Variants in SLC36A1 observed in about 807,000 individuals in gnomAD.
SLC36A1 encodes solute carrier family 36 member 1, also known as proton-coupled amino acid transporter 1.
Under a neutral mutation model 47.5 loss-of-function variants are expected in SLC36A1, and 30 were observed. The ratio of observed to expected loss-of-function variants is 0.63; its 90% confidence interval spans 0.47 to 0.86. The LOEUF is 0.86. SLC36A1 is among the 40% of genes least tolerant of loss of function. SLC36A1 has a pLI of 0.00. For synonymous variants in SLC36A1, 255 were observed against 249.7 expected (o/e 1.02, Z -0.20); for missense variants, 517 against 606.0 (o/e 0.85, Z 1.54).
At chr5:151,357,848 C>A in the SLC36A1 span, among the ~76,000 whole-genome samples, 4 of 152,210 alleles carry the variant, frequency 2.6e-5, no homozygotes, top group African/African-American at 9.6e-5. Flanking sequence ...ACGATTAAAA[C>A]CTAAATCTTG....
chr5:151,460,578 A>G (rs922444123), intron 2 of SLC36A1, among the ~76,000 whole-genome samples: 5 of 152,058 alleles, frequency 3.3e-5, no homozygotes, highest in Non-Finnish European at 7.4e-5. Flanking sequence ...GATGGCAGGT[A>G]TTACAGTCCC....
At chr5:151,543,723 G>A in the SLC36A1 span, 2 of 1,614,168 alleles carry the variant, frequency 1.2e-6, no homozygotes, top group South Asian at 1.1e-5. Flanking sequence ...TAGTGTTGAT[G>A]TACACAGGCA....
chr5:151,468,118 G>A lies in SLC36A1; in HGVS notation c.723+193G>A, dbSNP rs143226850. Among the ~76,000 whole-genome samples the A allele has an allele frequency of 7.4e-4, 111 of 150,326 alleles. 1 individual carries two copies. Among genetic ancestry groups the A allele is most frequent in the African/African-American group, 2.2e-3 (89 of 40,832 alleles). On this transcript the variant is annotated intron_variant, in intron 7 of 10. Coordinates refer to ENST00000243389, the MANE Select transcript of SLC36A1 (RefSeq NM_078483.4). Reference sequence around the variant, plus strand: ...AGTAAAAATAGAAAAATTAGGCATGGGGGTGTGGGCCTAATCTCAGCTATT... The same window carrying A: ...AGTAAAAATAGAAAAATTAGGCATGAGGGTGTGGGCCTAATCTCAGCTATT...
the SLC36A1 span, chr5:151,522,258 C>G: frequency 1.8e-6 from 1 of 563,748 alleles, no homozygotes; most frequent in African/African-American, 1.9e-5. Context: ...AAAGCACTGA[C>G]AGAAAAGAAA....
At chr5:151,397,512 C>T in the SLC36A1 span, among the ~76,000 whole-genome samples, 10 of 152,112 alleles carry the variant, frequency 6.6e-5, no homozygotes, top group African/African-American at 2.2e-4. Context: ...GTGGGTAGGG[C>T]GCAGTGGCTC....
chr5:151,441,860 A>G (rs1752652189), intron 1 of SLC36A1, among the ~76,000 whole-genome samples: 1 of 152,212 alleles, frequency 6.6e-6, no homozygotes. Context: ...CTGTGAAATC[A>G]TCACAATCAA....
At chr5:151,366,850 G>A in the SLC36A1 span, among the ~76,000 whole-genome samples, 2 of 152,194 alleles carry the variant, frequency 1.3e-5, no homozygotes, top group Non-Finnish European at 2.9e-5. Flanking sequence ...TTTTACAGCT[G>A]GGCTGCCAGG....
At chr5:151,425,105 G>T in the SLC36A1 span, among the ~76,000 whole-genome samples, 1 of 152,232 alleles carries the variant, frequency 6.6e-6, no homozygotes, top group Non-Finnish European at 1.5e-5. Flanking sequence ...ATCCCAAGTT[G>T]TGCAGCAGAG....
the SLC36A1 span, chr5:151,504,197 C>T: frequency 6.5e-6 from 1 of 152,802 alleles, no homozygotes; most frequent in African/African-American, 2.4e-5. Flanking sequence ...ACCACTCACA[C>T]AAATTGGCTC....
At chr5:151,480,186 G>A (rs1303750328) in intron 10 of SLC36A1, 5 of 700,650 alleles carry the variant, frequency 7.1e-6, no homozygotes, top group South Asian at 3.5e-5. Flanking sequence ...TGAGCAAATC[G>A]GTTGATAATA....
At chr5:151,345,733 G>C in the SLC36A1 span, among the ~76,000 whole-genome samples, 1 of 152,166 alleles carries the variant, frequency 6.6e-6, no homozygotes, top group Admixed American at 6.5e-5. Flanking sequence ...TTAACTTTGG[G>C]CCACTCAACC....
the SLC36A1 span, among the ~76,000 whole-genome samples, chr5:151,408,211 C>T: frequency 4.6e-5 from 7 of 152,048 alleles, no homozygotes; most frequent in African/African-American, 7.2e-5. Context: ...TTTTTTGAGA[C>T]GGAGTCTCAC....
At chr5:151,511,922 T>C in the SLC36A1 span, 3 of 546,114 alleles carry the variant, frequency 5.5e-6, no homozygotes, top group Admixed American at 3.1e-5. Context: ...GCCCCTGAGG[T>C]CCCCATTCAT....
the SLC36A1 span, among the ~76,000 whole-genome samples, chr5:151,541,330 G>T: frequency 1.6e-3 from 244 of 152,320 alleles, no homozygotes; most frequent in African/African-American, 5.4e-3. Context: ...ACTACTCCAA[G>T]AATTGATAAC....
the SLC36A1 span, among the ~76,000 whole-genome samples, chr5:151,374,909 GTT>G: frequency 7.7e-4 from 110 of 142,496 alleles, no homozygotes; most frequent in Non-Finnish European, 8.8e-4. Context: ...TAATGTTGGG[GTT>G]TTTTTTTTTT....
At chr5:151,498,944 C>T in the SLC36A1 span, among the ~76,000 whole-genome samples, 1 of 152,178 alleles carries the variant, frequency 6.6e-6, no homozygotes, top group Non-Finnish European at 1.5e-5. Context: ...GCTGCTCGGC[C>T]ACTTTCCCCA....
rs1387232066 is a variant in SLC36A1 at position 151,464,937 on chromosome 5, C to T, written c.324-137C>T. 1.3e-5 allele frequency: 9 copies of T among 690,956 alleles called. No homozygotes were observed. The East Asian group carries it at 1.8e-4, about 14-fold the overall frequency. The allele number at this position is 690,956 out of a possible 1,614,324, so 42.8% of individuals were successfully genotyped here. ...TGAATACTTCTGATCTTTGAAAGCACGAGATACAGGACTCAGAGTGGTACC... is the reference window on the plus strand; with the variant it reads ...TGAATACTTCTGATCTTTGAAAGCATGAGATACAGGACTCAGAGTGGTACC... On this transcript the variant is annotated intron_variant, in intron 4 of 10. Coordinates refer to ENST00000243389, the MANE Select transcript of SLC36A1 (RefSeq NM_078483.4).
chr5:151,380,370 G>A, the SLC36A1 span: 13 of 341,150 alleles, frequency 3.8e-5, no homozygotes, highest in Non-Finnish European at 7.1e-5. Flanking sequence ...GTTGTGGGGC[G>A]AGGACCAGAG....
intron 5 of SLC36A1, among the ~76,000 whole-genome samples, chr5:151,466,136 T>G (rs1276950091): frequency 6.6e-6 from 1 of 152,216 alleles, no homozygotes; most frequent in African/African-American, 2.4e-5. Context: ...GTTGGGTGGT[T>G]GTTAATTCTT....
Sources: allele counts gnomAD v4.1 joint callset (sites outside exome capture counted in the v4.1 genomes callset), GRCh38; gene constraint gnomAD v4.1.1; transcripts MANE v1.5; gene names NCBI Gene and HGNC (gene_info 2026-07-23, HGNC 2026-07-21).